RAPGEF4: variants seen among roughly 807,000 people sequenced by gnomAD.
RAPGEF4 encodes the protein Rap guanine nucleotide exchange factor 4, also known as RAP guanine-nucleotide-exchange factor (GEF) 4.
In RAPGEF4, 66 loss-of-function variants were observed where a neutral mutation model predicts 147.9. The ratio of observed to expected loss-of-function variants is 0.45; its 90% confidence interval spans 0.37 to 0.55. The LOEUF is 0.55. Among genes scored for constraint, RAPGEF4 ranks in the 20% least tolerant of loss-of-function variants. The pLI is 0.00. For missense variants in RAPGEF4, 1,071 were observed against 1,257.3 expected (o/e 0.85, Z 2.24); for synonymous variants, 419 against 442.7 (o/e 0.95, Z 0.67).
intron 1 of RAPGEF4, among the ~76,000 whole-genome samples, chr2:172,775,693 T>C (rs1407965822): frequency 6.6e-6 from 1 of 151,820 alleles, no homozygotes; most frequent in Non-Finnish European, 1.5e-5. Context: ...TTAGACTCAG[T>C]GGGTATGACA....
At chr2:172,857,008 C>T (rs1029360774) in intron 4 of RAPGEF4, among the ~76,000 whole-genome samples, 3 of 134,520 alleles carry the variant, frequency 2.2e-5, no homozygotes, top group Admixed American at 8.5e-5. Flanking sequence ...CTCAGTCATT[C>T]TCCACTGCCT....
At chr2:172,736,776 A>G (rs903237421) in intron 1 of RAPGEF4, among the ~76,000 whole-genome samples, 1 of 152,252 alleles carries the variant, frequency 6.6e-6, no homozygotes, top group Non-Finnish European at 1.5e-5. Context: ...GTTTGTCCAG[A>G]TTGCAGGTTT....
intron 23 of RAPGEF4, among the ~76,000 whole-genome samples, chr2:173,022,210 C>T (rs1237332263): frequency 6.6e-6 from 1 of 152,198 alleles, no homozygotes; most frequent in African/African-American, 2.4e-5. Context: ...AATGACATGG[C>T]GCAGACACAG....
intron 4 of RAPGEF4, among the ~76,000 whole-genome samples, chr2:172,887,570 G>A (rs186543266): frequency 1.2e-4 from 19 of 152,190 alleles, no homozygotes; most frequent in Admixed American, 8.5e-4. Context: ...TTCATATATC[G>A]TTTATGCTTG....
At position 172,802,240 on chromosome 2, in the gene RAPGEF4, A is replaced by T. The variant is rs118166161; in HGVS notation, c.297+4627A>T. Among the ~76,000 whole-genome samples the T allele has an allele frequency of 3.5e-3, 539 of 152,324 alleles. 20 individuals carry two copies. In the East Asian group the frequency reaches 0.082, roughly 23 times the overall value. ...TATACATTTATTAGGTATGTATATTAGTCCATTTTCATGCTGCTCAGAAAG... is the reference window on the plus strand; with the variant it reads ...TATACATTTATTAGGTATGTATATTTGTCCATTTTCATGCTGCTCAGAAAG... On this transcript the variant is annotated intron_variant, in intron 3 of 30. Transcript: ENST00000397081.
At chr2:172,773,544 TG>T (rs781059613) in intron 1 of RAPGEF4, among the ~76,000 whole-genome samples, 3 of 152,154 alleles carry the variant, frequency 2.0e-5, no homozygotes, top group Non-Finnish European at 2.9e-5. Flanking sequence ...CATGGCTCTC[TG>T]GAGAAACCTT....
intron 10 of RAPGEF4, among the ~76,000 whole-genome samples, chr2:172,975,786 ACTAT>A (rs1389935717): frequency 6.6e-6 from 1 of 152,240 alleles, no homozygotes; most frequent in Non-Finnish European, 1.5e-5. Context: ...AAGCAGTTAT[ACTAT>A]CTGACTCCAT....
chr2:172,831,433 T>TA (rs1227933553), intron 4 of RAPGEF4, among the ~76,000 whole-genome samples: 1 of 151,734 alleles, frequency 6.6e-6, no homozygotes, highest in African/African-American at 2.4e-5. Flanking sequence ...CATGCCCGGC[T>TA]AATTTTTGTA....
intron 29 of RAPGEF4, chr2:173,048,383 A>T: frequency 9.9e-7 from 1 of 1,014,790 alleles, no homozygotes; most frequent in Non-Finnish European, 1.3e-6. Flanking sequence ...TTATGCCATT[A>T]ATATTCCTTA....
At chr2:172,935,984 G>A (rs566593541) in intron 6 of RAPGEF4, among the ~76,000 whole-genome samples, 8 of 152,296 alleles carry the variant, frequency 5.3e-5, no homozygotes, top group South Asian at 4.1e-4. Context: ...TCTGCCAAGA[G>A]TCTAAAATGA....
At chr2:172,738,472 C>A (rs1694011402) in intron 1 of RAPGEF4, among the ~76,000 whole-genome samples, 3 of 152,116 alleles carry the variant, frequency 2.0e-5, no homozygotes, top group Admixed American at 2.0e-4. Context: ...TATCGAGATA[C>A]TTCCATAGGT....
rs141097661 is a variant in RAPGEF4 at position 172,877,528 on chromosome 2, TA to T, written c.445-40260del. Among the ~76,000 whole-genome samples the T allele has an allele frequency of 8.6e-3, 1,147 of 132,942 alleles. 9 individuals are homozygous for T. Among genetic ancestry groups the T allele is most frequent in the African/African-American group, 0.023 (814 of 35,102 alleles). The allele number at this position is 132,942 out of a possible 152,430, so 87.2% of individuals were successfully genotyped here. A position where few individuals can be genotyped will look rare whatever the true frequency, so the allele number is the denominator to read the frequency against. On this transcript the variant is annotated intron_variant, in intron 4 of 30. Coordinates refer to ENST00000397081, the MANE Select transcript of RAPGEF4 (RefSeq NM_007023.4). ...CACATGTATCTCAGAACTTAAAGTA[TA>T]AAAAAAAAAAAAAGAAAAGAAATGA...
chr2:173,015,852 C>A (rs1695464814), intron 18 of RAPGEF4, among the ~76,000 whole-genome samples: 1 of 152,090 alleles, frequency 6.6e-6, no homozygotes, highest in Non-Finnish European at 1.5e-5. Flanking sequence ...ATGAGTGACA[C>A]CTAGTCAATA....
In RAPGEF4 at chr2:172,829,234, G is replaced by A. The variant is rs1215752652; in HGVS notation, c.444+14809G>A. 5.3e-5 allele frequency among the ~76,000 whole-genome samples: 8 copies of A among 152,210 alleles called. 1 individual carries two copies. The highest frequency in any genetic ancestry group is 1.7e-4 in the African/African-American group (7 of 41,448). ...GGCCTGCAGGTCTTTCTCAGTCAGT[G>A]CCTCCCACTTTCAGCAGGAGTTCTG... is the stretch of plus-strand genomic sequence containing the variant. On this transcript the variant is annotated intron_variant, in intron 4 of 30. Transcript: ENST00000397081.
Position 172,991,113 on chromosome 2 carries a change from C to T in RAPGEF4, c.1490+188C>T, listed in dbSNP as rs537286246. On this transcript the variant is annotated intron_variant, in intron 15 of 30. Transcript: ENST00000397081. Reference sequence around the variant, plus strand: ...ATCCATTTCTGGCACAGCATTGAGCCGGGTGCTGCCTAGAGTAATTCGGGA... The same window carrying T: ...ATCCATTTCTGGCACAGCATTGAGCTGGGTGCTGCCTAGAGTAATTCGGGA... Among the ~76,000 whole-genome samples, 5 of 152,244 alleles carry T rather than the reference C, an allele frequency of 3.3e-5. No homozygotes were observed. The South Asian group carries it at 8.3e-4, about 25-fold the overall frequency.
At chr2:173,050,588 G>A (rs1232851035) in intron 30 of RAPGEF4, among the ~76,000 whole-genome samples, 1 of 152,108 alleles carries the variant, frequency 6.6e-6, no homozygotes, top group African/African-American at 2.4e-5. Flanking sequence ...TGCCACTCCG[G>A]GTGTCCCCTT....
At chr2:172,877,112 C>T (rs879301384) in intron 4 of RAPGEF4, among the ~76,000 whole-genome samples, 12 of 152,142 alleles carry the variant, frequency 7.9e-5, no homozygotes, top group Non-Finnish European at 1.3e-4. Flanking sequence ...TTGGAACAAA[C>T]CCAAATGCCC....
intron 3 of RAPGEF4, among the ~76,000 whole-genome samples, chr2:172,798,155 A>G (rs1307679188): frequency 6.6e-6 from 1 of 152,094 alleles, no homozygotes; most frequent in African/African-American, 2.4e-5. Flanking sequence ...CCTCTAAAGT[A>G]CAGCACTGGC....
chr2:172,977,583 C>A (rs1031189054), intron 10 of RAPGEF4, among the ~76,000 whole-genome samples: 14 of 152,012 alleles, frequency 9.2e-5, no homozygotes, highest in African/African-American at 2.4e-4. Flanking sequence ...AACACTGAGC[C>A]CCCACTAGGG....
Sources: allele counts gnomAD v4.1 joint callset (sites outside exome capture counted in the v4.1 genomes callset), GRCh38; gene constraint gnomAD v4.1.1; transcripts MANE v1.5; gene names NCBI Gene and HGNC (gene_info 2026-07-23, HGNC 2026-07-21).